Variants in PITPNM3 observed in about 807,000 individuals in gnomAD.
PITPNM3 encodes PITPNM family member 3, also known as membrane-associated phosphatidylinositol transfer protein 3.
PITPNM3 carries 26 observed loss-of-function variants against 102.0 expected under a neutral mutation model. That is an observed-to-expected ratio of 0.25 (90% confidence interval 0.19 to 0.35). The LOEUF (loss-of-function observed/expected upper bound fraction) is 0.35. Ranked by LOEUF, PITPNM3 falls within the 10% of genes least tolerant of loss-of-function variation. The probability of loss-of-function intolerance (pLI) is 1.00; values close to 1 mark genes in which losing one functional copy is unlikely to be tolerated. For missense variants in PITPNM3, 1,083 were observed against 1,346.1 expected (o/e 0.80, Z 3.06); for synonymous variants, 578 against 558.6 (o/e 1.03, Z -0.49).
In PITPNM3 at chr17:6,478,876, C is replaced by T; in HGVS notation, c.588-140G>A. On this transcript the variant is annotated intron_variant, in intron 6 of 19. Transcript: ENST00000262483. The surrounding 1 kb of genome is among the most constrained non-coding windows in gnomAD (Gnocchi z 4.4). Reference sequence around the variant, plus strand: ...CCTTCAGGAAGACCCAGGCAGGAGCCTGGTGACACAGAGCACAGGCAGTGT... The same window carrying T: ...CCTTCAGGAAGACCCAGGCAGGAGCTTGGTGACACAGAGCACAGGCAGTGT... The T allele has an allele frequency of 1.3e-6, 1 of 799,300 alleles. No individual in the cohort carries two copies. Among genetic ancestry groups the T allele is most frequent in the Non-Finnish European group, 1.9e-6 (1 of 514,434 alleles). The allele number at this position is 799,300 out of a possible 1,614,324, so 49.5% of individuals were successfully genotyped here. A position where few individuals can be genotyped will look rare whatever the true frequency, so the allele number is the denominator to read the frequency against.
chr17:6,534,202 T>A (rs1349871775), intron 2 of PITPNM3, among the ~76,000 whole-genome samples: 2 of 152,086 alleles, frequency 1.3e-5, no homozygotes, highest in Admixed American at 6.5e-5. Context: ...GAGTGACACT[T>A]CTTTTGAATC....
chr17:6,484,432 A>G (rs1905947325), intron 4 of PITPNM3, 140 bp from the exon 5 acceptor site: 1 of 834,122 alleles, frequency 1.2e-6, no homozygotes, highest in South Asian at 1.4e-5. Context: ...AGCTAGGGAG[A>G]GTCACCCCAT....
chr17:6,482,967 CAG>C (rs1177170867), intron 6 of PITPNM3, among the ~76,000 whole-genome samples: 2 of 149,992 alleles, frequency 1.3e-5, no homozygotes, highest in Non-Finnish European at 3.0e-5. Flanking sequence ...TTTTTTGAGA[CAG>C]AGTCTCACTC....
At chr17:6,555,349 GAC>G (rs1910545794) in intron 1 of PITPNM3, among the ~76,000 whole-genome samples, 1 of 152,186 alleles carries the variant, frequency 6.6e-6, no homozygotes, top group Non-Finnish European at 1.5e-5. Flanking sequence ...GGGGTGGATT[GAC>G]ACACAGCCCG....
chr17:6,515,315 T>G (rs2150627442), intron 3 of PITPNM3, among the ~76,000 whole-genome samples: 2 of 150,048 alleles, frequency 1.3e-5, no homozygotes, highest in South Asian at 4.2e-4. Flanking sequence ...AGAGAATCGC[T>G]TGAACCCGGG....
chr17:6,487,529 C>A (rs544408567), intron 4 of PITPNM3, among the ~76,000 whole-genome samples: 1 of 152,204 alleles, frequency 6.6e-6, no homozygotes, highest in African/African-American at 2.4e-5. Context: ...TGCTCCTCGG[C>A]CTTGCTGGGC....
chr17:6,508,646 G>A (rs73348097), intron 3 of PITPNM3, among the ~76,000 whole-genome samples: 6,850 of 152,250 alleles, frequency 0.045, 530 homozygotes, highest in African/African-American at 0.16. Flanking sequence ...CAGAGAGGAT[G>A]CGTCCAGAGG....
intron 1 of PITPNM3, among the ~76,000 whole-genome samples, chr17:6,539,890 T>C (rs775282446): frequency 6.6e-6 from 1 of 152,240 alleles, no homozygotes; most frequent in Non-Finnish European, 1.5e-5. Flanking sequence ...TCCTGAGTTT[T>C]AGATAGTAAG....
Position 6,458,697 on chromosome 17 carries a change from G to A in PITPNM3, c.2491-975C>T, listed in dbSNP as rs1904322611. Among the ~76,000 whole-genome samples, 1 of 151,978 alleles carries A rather than the reference G, an allele frequency of 6.6e-6. No individual in the cohort carries two copies. Among genetic ancestry groups the A allele is most frequent in the South Asian group, 2.1e-4 (1 of 4,810 alleles). ...TTGTCTTTTCTGCACCAGCCCTGCT[G>A]CCTCGCCCCTTCCTCATCCTGCCTG... is the stretch of plus-strand genomic sequence containing the variant. On this transcript the variant is annotated intron_variant, in intron 18 of 19. Transcript: ENST00000262483. The surrounding 1 kb of genome is among the most constrained non-coding windows in gnomAD (Gnocchi z 5.1).
At chr17:6,508,895 T>TCCTGATTTAGCAGGCTC (rs1363751870) in intron 3 of PITPNM3, among the ~76,000 whole-genome samples, 2 of 152,200 alleles carry the variant, frequency 1.3e-5, no homozygotes, top group Admixed American at 6.5e-5. Flanking sequence ...GAACCTGGCT[T>TCCTGATTTAGCAGGCTC]CCTGATTTAG....
At chr17:6,550,561 G>A (rs543589934) in intron 1 of PITPNM3, among the ~76,000 whole-genome samples, 1 of 152,280 alleles carries the variant, frequency 6.6e-6, no homozygotes, top group South Asian at 2.1e-4. Context: ...CTCAAAGAGG[G>A]ACCCTTGACT....
At chr17:6,480,519 C>T (rs1296855129) in intron 6 of PITPNM3, 1 of 152,360 alleles carries the variant, frequency 6.6e-6, no homozygotes, top group African/African-American at 2.4e-5. Flanking sequence ...ACCTGGCACC[C>T]TGCTGGGGAC....
At chr17:6,509,573 T>C (rs1907745951) in intron 3 of PITPNM3, among the ~76,000 whole-genome samples, 1 of 152,162 alleles carries the variant, frequency 6.6e-6, no homozygotes, top group African/African-American at 2.4e-5. Context: ...GACTGGTGGC[T>C]TTGCTCATGA....
intron 4 of PITPNM3, among the ~76,000 whole-genome samples, chr17:6,491,668 C>A (rs1441734239): frequency 6.6e-6 from 1 of 151,966 alleles, no homozygotes; most frequent in Non-Finnish European, 1.5e-5. Context: ...CCCTCCTCTG[C>A]AGGTTCCCAG....
intron 1 of PITPNM3, among the ~76,000 whole-genome samples, chr17:6,555,564 C>T (rs1910555149): frequency 6.6e-6 from 1 of 152,200 alleles, no homozygotes; most frequent in African/African-American, 2.4e-5. Flanking sequence ...CCTCCCAAGG[C>T]ACCATCGGGC....
At chr17:6,476,172 A>G (rs943688906) in intron 9 of PITPNM3, among the ~76,000 whole-genome samples, 6 of 152,076 alleles carry the variant, frequency 3.9e-5, no homozygotes, top group Admixed American at 1.3e-4. Flanking sequence ...TTTTTAAAAT[A>G]AAACGATCTT....
At chr17:6,539,259 C>T (rs1452581671) in intron 1 of PITPNM3, among the ~76,000 whole-genome samples, 1 of 152,148 alleles carries the variant, frequency 6.6e-6, no homozygotes, top group Non-Finnish European at 1.5e-5. Context: ...CCTGGATTTA[C>T]TGCAAGGGGG....
At position 6,555,526 on chromosome 17, in the gene PITPNM3, C is replaced by T. The variant is rs115563921; in HGVS notation, c.22+859G>A. 3.1e-3 allele frequency among the ~76,000 whole-genome samples: 479 copies of T among 152,296 alleles called. 4 individuals are homozygous for T. Among genetic ancestry groups the T allele is most frequent in the African/African-American group, 0.011 (458 of 41,560 alleles). On this transcript the variant is annotated intron_variant, in intron 1 of 19. Transcript: ENST00000262483. The stretch of plus-strand genomic sequence containing the variant: ...TTGCTGCCGCCTACTGTATGGCCGG[C>T]CCTGTGGGCACAGCTGTCCTCCACC...
intron 1 of PITPNM3, among the ~76,000 whole-genome samples, chr17:6,544,878 C>T (rs1253203280): frequency 6.6e-6 from 1 of 151,968 alleles, no homozygotes; most frequent in Non-Finnish European, 1.5e-5. Context: ...CACACACACA[C>T]ACGCACACAT....
Sources: gnomAD v4.1 joint callset for allele counts (sites outside exome capture counted in the v4.1 genomes callset) on GRCh38, gnomAD v4.1.1 for gene constraint, Gnocchi (gnomAD v3.1) non-coding constraint, MANE v1.5 for transcripts, NCBI Gene and HGNC (gene_info 2026-07-23, HGNC 2026-07-21) for gene names.